Variants in CSMD3 observed in about 807,000 individuals in gnomAD.
CSMD3 encodes CUB and Sushi multiple domains 3.
Under a neutral mutation model 435.2 loss-of-function variants are expected in CSMD3, and 177 were observed. That is an observed-to-expected ratio of 0.41 (90% CI 0.36 to 0.46). The LOEUF (loss-of-function observed/expected upper bound fraction) is 0.46, where lower values mean the gene tolerates loss of function less well. Among genes scored for constraint, CSMD3 ranks in the 20% least tolerant of loss-of-function variants. The pLI is 0.34. For synonymous variants in CSMD3, 1,656 were observed against 1,520.5 expected, an observed-to-expected ratio of 1.09 and a Z score of -2.07; for missense variants, 4,265 against 4,504.6, an observed-to-expected ratio of 0.95 and a Z score of 1.52.
chr8:112,392,702 G>A (rs893078046), intron 35 of CSMD3, among the ~76,000 whole-genome samples: 1 of 150,728 alleles, frequency 6.6e-6, no homozygotes, highest in Non-Finnish European at 1.5e-5. Context: ...TCAAATAAGT[G>A]GCCTCCCTAT....
At position 113,298,319 on chromosome 8, in the gene CSMD3, GT is replaced by G. The variant is rs1033843397; in HGVS notation, c.401+16251del. ...ACTTACGTATTTTAACCTAAATAAGGTTTTTTTTCTAAAATAACAAGACATT... is the reference window on the plus strand; with the variant it reads ...ACTTACGTATTTTAACCTAAATAAGGTTTTTTTCTAAAATAACAAGACATT... On this transcript the variant is annotated intron_variant, in intron 2 of 70. Transcript: ENST00000297405. 1.8e-3 allele frequency among the ~76,000 whole-genome samples: 269 copies of G among 151,572 alleles called. 2 individuals carry two copies. The highest frequency in any genetic ancestry group is 1.5e-3 in the Non-Finnish European group (104 of 67,836).
intron 38 of CSMD3, among the ~76,000 whole-genome samples, chr8:112,357,383 G>A (rs774718938): frequency 1.3e-4 from 20 of 152,238 alleles, no homozygotes; most frequent in Non-Finnish European, 2.4e-4. Context: ...GTTTTATAAG[G>A]GAAGCAGAGT....
rs370147154 is a variant in CSMD3, at chr8:112,458,937, G to T, written c.5395+13654C>A. Among the ~76,000 whole-genome samples, 16 of 152,052 alleles carry T rather than the reference G, an allele frequency of 1.1e-4. 1 individual carries two copies. Among genetic ancestry groups the T allele is most frequent in the African/African-American group, 3.9e-4 (16 of 41,508 alleles). ...TCATTAGAGACCATGAATTACACTA[G>T]AATATTGACATACACACATACTCAG... On this transcript the variant is annotated intron_variant, in intron 32 of 70. Transcript: ENST00000297405.
chr8:112,638,182 C>A (rs2074715754), intron 21 of CSMD3, among the ~76,000 whole-genome samples: 1 of 127,782 alleles, frequency 7.8e-6, no homozygotes, highest in African/African-American at 3.0e-5. Context: ...TAATAAATTA[C>A]TATTTATTAA....
In CSMD3 at chr8:112,886,820, G is replaced by T. The variant is rs145482725; in HGVS notation, c.1634-27554C>A. 5.2e-3 allele frequency among the ~76,000 whole-genome samples: 785 copies of T among 151,580 alleles called. 14 individuals carry two copies. The highest frequency in any genetic ancestry group is 0.018 in the African/African-American group (758 of 41,408). On this transcript the variant is annotated intron_variant, in intron 10 of 70. Coordinates refer to ENST00000297405, the MANE Select transcript of CSMD3 (RefSeq NM_198123.2). ...CCCTGTATACCTTAAATCATCTCTA[G>T]AATACTTATATAATGACTGATACAA...
At chr8:112,720,736 T>C (rs10955632) in intron 13 of CSMD3, among the ~76,000 whole-genome samples, 50,630 of 152,004 alleles carry the variant, frequency 0.33, 9,316 homozygotes, top group African/African-American at 0.5. Context: ...AAATAAACGA[T>C]GTTGTTGCTT....
At chr8:113,338,366 C>A (rs1395258792) in intron 1 of CSMD3, among the ~76,000 whole-genome samples, 1 of 151,802 alleles carries the variant, frequency 6.6e-6, no homozygotes, top group Non-Finnish European at 1.5e-5. Context: ...CCATCTGACC[C>A]AGAAATTCCA....
intron 63 of CSMD3, among the ~76,000 whole-genome samples, chr8:112,249,803 T>C (rs16883301): frequency 0.21 from 31,311 of 151,978 alleles, 3,668 homozygotes; most frequent in East Asian, 0.36. Context: ...CCAACTTTCC[T>C]TTCCTAGCTC....
chr8:112,254,052 C>T (rs187102691), intron 63 of CSMD3, among the ~76,000 whole-genome samples: 2 of 151,952 alleles, frequency 1.3e-5, no homozygotes, highest in African/African-American at 4.8e-5. Flanking sequence ...TTTTTATGTT[C>T]CAGTTAGGAA....
intron 59 of CSMD3, among the ~76,000 whole-genome samples, chr8:112,270,230 A>G (rs949469665): frequency 2.0e-5 from 3 of 152,086 alleles, no homozygotes; most frequent in African/African-American, 7.2e-5. Flanking sequence ...CATTATTATT[A>G]AATCACATTT....
At chr8:112,284,777 T>C (rs1436710003) in intron 58 of CSMD3, among the ~76,000 whole-genome samples, 1 of 151,966 alleles carries the variant, frequency 6.6e-6, no homozygotes, top group African/African-American at 2.4e-5. Context: ...ATATATCCCA[T>C]GAATATTTAT....
At chr8:112,429,950 G>A (rs548829975) in intron 32 of CSMD3, among the ~76,000 whole-genome samples, 1 of 151,888 alleles carries the variant, frequency 6.6e-6, no homozygotes, top group Admixed American at 6.6e-5. Flanking sequence ...AGAAGAAATT[G>A]AGGTCAAAGT....
chr8:112,698,285 G>A (rs947519874), intron 13 of CSMD3, among the ~76,000 whole-genome samples: 3 of 152,030 alleles, frequency 2.0e-5, no homozygotes, highest in Non-Finnish European at 4.4e-5. Flanking sequence ...TTAAAAAATC[G>A]TGTGAACTCA....
At chr8:113,208,578 C>A (rs1016271645) in intron 3 of CSMD3, among the ~76,000 whole-genome samples, 1 of 152,054 alleles carries the variant, frequency 6.6e-6, no homozygotes, top group Non-Finnish European at 1.5e-5. Context: ...TAAAAGATAT[C>A]TTTATTTTGA....
chr8:112,566,041 T>TC lies in CSMD3; in HGVS notation c.4042+7459_4042+7460insG, dbSNP rs202008673. 7.9e-3 allele frequency among the ~76,000 whole-genome samples: 651 copies of TC among 82,228 alleles called. 2 individuals are homozygous for TC. The highest frequency in any genetic ancestry group is 0.022 in the African/African-American group (594 of 27,042). The allele number at this position is 82,228 out of a possible 152,430, so 53.9% of individuals were successfully genotyped here. On this transcript the variant is annotated intron_variant, in intron 24 of 70. Coordinates refer to ENST00000297405, the MANE Select transcript of CSMD3 (RefSeq NM_198123.2). Reference sequence around the variant, plus strand: ...CACTAACATTATTTCTCTCTCTCTCTTTTTTTTTTTTTTACTCTTACCTGG... The same window carrying TC: ...CACTAACATTATTTCTCTCTCTCTCTCTTTTTTTTTTTTTACTCTTACCTGG...
At chr8:113,311,265 A>G (rs2093866397) in intron 2 of CSMD3, 1 of 152,156 alleles carries the variant, frequency 6.6e-6, no homozygotes, top group Admixed American at 6.5e-5. Flanking sequence ...GTGCTTTGCC[A>G]ATATCAATTC....
intron 36 of CSMD3, among the ~76,000 whole-genome samples, chr8:112,386,762 G>T (rs1334881889): frequency 2.0e-5 from 3 of 152,130 alleles, no homozygotes; most frequent in African/African-American, 7.2e-5. Flanking sequence ...CCCCCAAAGT[G>T]CTGGGATTAC....
intron 1 of CSMD3, among the ~76,000 whole-genome samples, chr8:113,369,527 T>C (rs1199190070): frequency 6.6e-6 from 1 of 151,962 alleles, no homozygotes; most frequent in African/African-American, 2.4e-5. Context: ...TTAGAACTAC[T>C]GTATGATCTA....
intron 10 of CSMD3, 61 bp downstream of exon 10, chr8:112,921,566 A>G (rs2082744725): frequency 7.6e-7 from 1 of 1,320,920 alleles, no homozygotes. Flanking sequence ...CAACTTAATT[A>G]CAATGAAATA....
Sources: allele counts gnomAD v4.1 joint callset (sites outside exome capture counted in the v4.1 genomes callset), GRCh38; gene constraint gnomAD v4.1.1; transcripts MANE v1.5; gene names NCBI Gene and HGNC (gene_info 2026-07-23, HGNC 2026-07-21).